The following ARSL variants were observed in gnomAD, a reference collection of about 807,000 sequenced individuals.
ARSL encodes arylsulfatase E (chondrodysplasia punctata 1).
In ARSL, 4 loss-of-function variants were observed where a neutral mutation model predicts 31.1. The ratio of observed to expected loss-of-function variants is 0.13; its 90% CI spans 0.06 to 0.29. The LOEUF (loss-of-function observed/expected upper bound fraction) is 0.29. ARSL is among the 10% of genes least tolerant of loss of function. The pLI, the probability that ARSL is intolerant of heterozygous loss-of-function variation, is 1.00. For missense variants in ARSL, 312 were observed against 497.8 expected (o/e 0.63, Z 3.55); for synonymous variants, 198 against 209.9 (o/e 0.94, Z 0.49).
intron 6 of ARSL, among the ~76,000 whole-genome samples, chrX:2,947,966 A>G (rs1188094896): frequency 8.9e-6 from 1 of 112,091 alleles, no homozygotes. Context: ...TATTAAAAAT[A>G]TAAAAGTTAT....
chrX:2,939,548 A>G (rs1369302824), intron 8 of ARSL, among the ~76,000 whole-genome samples: 1 of 112,014 alleles, frequency 8.9e-6, no homozygotes, highest in African/African-American at 3.2e-5. Context: ...TGTTGTGGGA[A>G]GGCATTAGTG....
chrX:2,938,442 G>A (rs982853813), intron 8 of ARSL, among the ~76,000 whole-genome samples, 185 bp from the exon 9 acceptor site: 12 of 111,938 alleles, frequency 1.1e-4, no homozygotes, highest in African/African-American at 3.9e-4. Context: ...TAGTTCCCCT[G>A]TAGAGGTTTG....
upstream of ARSL, among the ~76,000 whole-genome samples, chrX:2,966,045 G>A (rs1042836234): frequency 1.8e-5 from 2 of 112,290 alleles, no homozygotes; most frequent in Admixed American, 1.9e-4. Flanking sequence ...CAAGGACGGG[G>A]TTTCATAGAG....
At chrX:2,946,316 A>G (rs2089378975) in intron 6 of ARSL, among the ~76,000 whole-genome samples, 182 bp from the exon 7 acceptor site, 2 of 85,209 alleles carry the variant, frequency 2.3e-5, no homozygotes, top group South Asian at 1.4e-3. Context: ...ATATTTAACA[A>G]TCTTCCTTTT....
Position 2,960,389 on chromosome X carries a change from C to G in ARSL, c.12G>C (p.Leu4=). ...TAATTGTATCTTACCAAGAATGGTG[C>G]AGATGTAACATGTTGTCTCTCTCTC... MLH[L]HHSCLCFRSW... is the part of the protein sequence containing the mutation. Residue 4 remains leucine, a synonymous_variant, in exon 2 of 11, where the codon CTG becomes CTC. Transcript: ENST00000381134. The G allele has an allele frequency of 1.7e-6, 2 of 1,189,885 alleles. No homozygotes were observed. Among genetic ancestry groups the G allele is most frequent in the Non-Finnish European group, 2.3e-6 (2 of 879,150 alleles).
upstream of ARSL, chrX:2,968,178 G>C: frequency 8.7e-7 from 1 of 1,154,790 alleles, no homozygotes; most frequent in Non-Finnish European, 1.1e-6. Context: ...GGGCGACACT[G>C]GCTGGATGTA....
rs147648324 is a variant in ARSL, at chrX:2,949,375, G to A, written c.783C>T (p.Ile261=). 5 of 1,209,446 alleles carry A rather than the reference G, an allele frequency of 4.1e-6. No homozygotes were observed. Among genetic ancestry groups the A allele is most frequent in the Non-Finnish European group, 5.6e-6 (5 of 895,237 alleles). ...TTTGGAAGCACATGGGCTGCTCCGT[G>A]ATGGTGTGGTTTCTCATCAGAAAGC... ...ADCFLMRNHT[I]TEQPMCFQRT... The change falls in exon 6 of 11, where the codon ATC becomes ATT. Residue 261 remains isoleucine (I), a synonymous_variant. Transcript: ENST00000381134.
chrX:2,944,311 A>AG (rs1218820435), intron 7 of ARSL, among the ~76,000 whole-genome samples: 1 of 108,682 alleles, frequency 9.2e-6, no homozygotes, highest in Admixed American at 9.9e-5. Context: ...AAAATTAGCC[A>AG]GGCATGGTGG....
upstream of ARSL, among the ~76,000 whole-genome samples, chrX:2,965,951 G>T (rs775082483): frequency 8.9e-6 from 1 of 112,417 alleles, no homozygotes; most frequent in Non-Finnish European, 1.9e-5. Flanking sequence ...AGTTTCTGAG[G>T]CACTGCATGA....
chrX:2,949,974 G>T (rs770893756), intron 5 of ARSL, among the ~76,000 whole-genome samples: 1 of 111,902 alleles, frequency 8.9e-6, no homozygotes, highest in South Asian at 3.7e-4. Context: ...ACAAATTACT[G>T]TAAAACTGTT....
At chrX:2,959,730 C>CT in intron 2 of ARSL, 1 of 1,138,633 alleles carries the variant, frequency 8.8e-7, no homozygotes, top group Non-Finnish European at 1.2e-6. Context: ...GGATAAATCA[C>CT]TATCAGTGCA....
chrX:2,935,866 G>A (rs1419564881), intron 10 of ARSL, among the ~76,000 whole-genome samples: 1 of 109,498 alleles, frequency 9.1e-6, no homozygotes, highest in Non-Finnish European at 1.9e-5. Flanking sequence ...TCGTGTTAAG[G>A]TCAGGTGATT....
intron 8 of ARSL, among the ~76,000 whole-genome samples, chrX:2,939,362 C>T (rs1348033307): frequency 8.9e-6 from 1 of 112,273 alleles, no homozygotes; most frequent in Admixed American, 9.5e-5. Context: ...ACGTTGATCT[C>T]AAACTCCTGG....
At chrX:2,960,229 A>G (rs757550305) in intron 2 of ARSL, 149 bp downstream of exon 2, 4 of 262,412 alleles carry the variant, frequency 1.5e-5, no homozygotes, top group African/African-American at 7.8e-5. Context: ...AGATCGCGCC[A>G]CTGCACTCCA....
rs759066605 is a variant in ARSL, at chrX:2,960,432, A to G, written c.-20-12T>C. 3 of 1,203,810 alleles carry G rather than the reference A, an allele frequency of 2.5e-6. No homozygotes were observed. The highest frequency in any genetic ancestry group is 3.0e-5 in the East Asian group (1 of 33,791). On this transcript the variant is annotated splice_polypyrimidine_tract_variant and intron_variant, in intron 1 of 10. Coordinates refer to ENST00000381134, the MANE Select transcript of ARSL (RefSeq NM_000047.3). ...TCTCTCTCTACTTCCTGTAAGACAT[A>G]AAGATGTCCACAATCACATTGACAG...
chrX:2,955,598 A>G, intron 3 of ARSL, 61 bp from the exon 4 acceptor site: 1 of 1,156,988 alleles, frequency 8.6e-7, no homozygotes, highest in Non-Finnish European at 1.2e-6. Context: ...TCATAAGCAT[A>G]GCTACATGCT....
At chrX:2,967,875 G>A (rs2089710664), upstream of ARSL, among the ~76,000 whole-genome samples, 1 of 111,544 alleles carries the variant, frequency 9.0e-6, no homozygotes, top group South Asian at 3.7e-4. Context: ...GCATCTCTAA[G>A]ATAAGAATCT....
At chrX:2,958,481 T>A (rs1290912765) in intron 2 of ARSL, 46 bp from the exon 3 acceptor site, 2 of 1,190,309 alleles carry the variant, frequency 1.7e-6, no homozygotes, top group Non-Finnish European at 1.1e-6. Flanking sequence ...TTTGCAGAAC[T>A]TGTGTATGGG....
chrX:2,957,398 A>G (rs762379705), intron 3 of ARSL, among the ~76,000 whole-genome samples: 50 of 109,788 alleles, frequency 4.6e-4, no homozygotes, highest in African/African-American at 1.6e-3. Context: ...TACTGGGTGG[A>G]TAAAAATCAT....
Sources: gnomAD v4.1 joint callset for allele counts (sites outside exome capture counted in the v4.1 genomes callset) on GRCh38, gnomAD v4.1.1 for gene constraint, MANE v1.5 for transcripts, NCBI Gene and HGNC (gene_info 2026-07-23, HGNC 2026-07-21) for gene names.